RANBP2: variants seen among roughly 807,000 people sequenced by gnomAD.
RANBP2 encodes the protein RAN binding protein 2.
In RANBP2, 57 loss-of-function variants were observed where a neutral mutation model predicts 303.6. The observed-to-expected ratio is 0.19, with a 90% CI of 0.15 to 0.23. RANBP2 has a LOEUF of 0.23. Ranked by LOEUF, RANBP2 falls within the 10% of genes least tolerant of loss-of-function variation. The pLI, the probability that RANBP2 is intolerant of heterozygous loss-of-function variation, is 1.00. For missense variants in RANBP2, 3,138 were observed against 3,780.8 expected (o/e 0.83, Z 4.46); for synonymous variants, 1,167 against 1,301.5 (o/e 0.90, Z 2.23).
At chr2:109,390,386 C>T in the RANBP2 span, among the ~76,000 whole-genome samples, 1 of 152,208 alleles carries the variant, frequency 6.6e-6, no homozygotes. Context: ...TCTGCTGCTC[C>T]TGGTACTTTT....
chr2:109,456,993 G>T, the RANBP2 span, among the ~76,000 whole-genome samples: 1 of 152,222 alleles, frequency 6.6e-6, no homozygotes, highest in Non-Finnish European at 1.5e-5. Context: ...GGATTAATCA[G>T]CATGGAGGGT....
intron 7 of RANBP2, among the ~76,000 whole-genome samples, chr2:108,744,653 A>G (rs987693872): frequency 3.3e-5 from 5 of 152,384 alleles, no homozygotes; most frequent in African/African-American, 4.8e-5. Context: ...AAGGATAGGC[A>G]ATATGAATAT....
At chr2:109,489,092 G>A in the RANBP2 span, among the ~76,000 whole-genome samples, 2 of 152,182 alleles carry the variant, frequency 1.3e-5, no homozygotes, top group East Asian at 1.9e-4. Flanking sequence ...CGAGACTCAG[G>A]CAGTGGAGTT....
the RANBP2 span, among the ~76,000 whole-genome samples, chr2:109,428,442 C>T: frequency 0.015 from 2,310 of 152,320 alleles, 62 homozygotes; most frequent in African/African-American, 0.053. Flanking sequence ...CATGCCATGC[C>T]CAGCTGGGTC....
the RANBP2 span, among the ~76,000 whole-genome samples, chr2:109,422,938 C>A: frequency 1.3e-5 from 2 of 152,126 alleles, no homozygotes; most frequent in South Asian, 2.1e-4. Context: ...GAGGACGAAA[C>A]AGGCATCAGA....
chr2:109,060,095 A>T, the RANBP2 span, among the ~76,000 whole-genome samples: 1 of 151,940 alleles, frequency 6.6e-6, no homozygotes, highest in Non-Finnish European at 1.5e-5. Context: ...TGGAGTAAAT[A>T]CTTAGGATAC....
At chr2:109,575,647 C>T in the RANBP2 span, among the ~76,000 whole-genome samples, 1 of 152,328 alleles carries the variant, frequency 6.6e-6, no homozygotes, top group South Asian at 2.1e-4. Flanking sequence ...CTTTGCAATT[C>T]ACTTTTCTAC....
At chr2:108,736,296 C>G in intron 6 of RANBP2, 47 bp downstream of exon 6, 1 of 1,611,606 alleles carries the variant, frequency 6.2e-7, no homozygotes, top group Non-Finnish European at 8.5e-7. Flanking sequence ...TGCAGTTTTT[C>G]TTTTTGCAGT....
chr2:109,131,953 T>C, the RANBP2 span, among the ~76,000 whole-genome samples: 1 of 152,306 alleles, frequency 6.6e-6, no homozygotes, highest in East Asian at 1.9e-4. Flanking sequence ...ATAATAGCAT[T>C]AGGTCCAGCA....
the RANBP2 span, among the ~76,000 whole-genome samples, chr2:109,269,555 T>G: frequency 6.6e-6 from 1 of 152,118 alleles, no homozygotes; most frequent in South Asian, 2.1e-4. Flanking sequence ...CCAAGTCTGG[T>G]GGATCACTTG....
At chr2:109,157,860 A>C in the RANBP2 span, among the ~76,000 whole-genome samples, 1 of 152,108 alleles carries the variant, frequency 6.6e-6, no homozygotes, top group Non-Finnish European at 1.5e-5. Context: ...GATTAAGGCC[A>C]CACAGCTCTC....
the RANBP2 span, among the ~76,000 whole-genome samples, chr2:109,591,356 G>C: frequency 6.6e-6 from 1 of 152,216 alleles, no homozygotes. Context: ...AAAAATGAGG[G>C]TGTGGTCCCC....
the RANBP2 span, among the ~76,000 whole-genome samples, chr2:109,172,539 C>T: frequency 1.2e-4 from 18 of 152,330 alleles, no homozygotes; most frequent in South Asian, 2.1e-3. Context: ...CCGCTTGTCC[C>T]GTCCTAGCTC....
At chr2:109,329,946 A>G in the RANBP2 span, among the ~76,000 whole-genome samples, 22 of 152,322 alleles carry the variant, frequency 1.4e-4, no homozygotes, top group Admixed American at 9.8e-4. Flanking sequence ...ACTTTCTTCA[A>G]TGGGTTCTTG....
At chr2:109,539,728 C>T in the RANBP2 span, among the ~76,000 whole-genome samples, 1 of 152,320 alleles carries the variant, frequency 6.6e-6, no homozygotes, top group South Asian at 2.1e-4. Flanking sequence ...CAGGAGTGAG[C>T]CACCGTGCCC....
the RANBP2 span, among the ~76,000 whole-genome samples, chr2:109,666,470 G>A: frequency 6.6e-6 from 1 of 152,160 alleles, no homozygotes; most frequent in South Asian, 2.1e-4. Context: ...AAAGACTAGA[G>A]CACAACTTTC....
intron 25 of RANBP2, among the ~76,000 whole-genome samples, chr2:108,780,136 A>G (rs940343760): frequency 6.7e-6 from 1 of 149,872 alleles, no homozygotes; most frequent in Non-Finnish European, 1.5e-5. Flanking sequence ...ACAATAATAA[A>G]TGTACTCTGT....
chr2:109,063,144 A>T, the RANBP2 span, among the ~76,000 whole-genome samples: 1 of 151,996 alleles, frequency 6.6e-6, no homozygotes, highest in Non-Finnish European at 1.5e-5. Context: ...GTGCAGACAC[A>T]TCCTCCCCCT....
At chr2:108,804,523 A>G in the RANBP2 span, among the ~76,000 whole-genome samples, 1 of 152,238 alleles carries the variant, frequency 6.6e-6, no homozygotes, top group East Asian at 1.9e-4. Flanking sequence ...TAAATAGCTT[A>G]TCTCTTGAAG....
Sources: gnomAD v4.1 joint callset for allele counts (sites outside exome capture counted in the v4.1 genomes callset) on GRCh38, gnomAD v4.1.1 for gene constraint, MANE v1.5 for transcripts, NCBI Gene and HGNC (gene_info 2026-07-23, HGNC 2026-07-21) for gene names.